OPCML: variants seen among roughly 807,000 people sequenced by gnomAD.
The protein encoded by OPCML is opioid-binding protein/cell adhesion molecule.
In OPCML, 13 loss-of-function variants were observed where a neutral mutation model predicts 37.8. The ratio of observed to expected loss-of-function variants is 0.34; its 90% CI spans 0.22 to 0.55. OPCML has a LOEUF of 0.55. OPCML is among the 20% of genes least tolerant of loss of function. The pLI is 0.91. For synonymous variants in OPCML, 176 were observed against 168.8 expected (o/e 1.04, Z -0.33); for missense variants, 341 against 435.6 (o/e 0.78, Z 1.93).
Position 132,541,093 on chromosome 11 carries a change from C to T in OPCML, c.380-11907G>A, listed in dbSNP as rs186922667. On this transcript the variant is annotated intron_variant, in intron 3 of 7. Coordinates refer to ENST00000524381, the MANE Select transcript of OPCML (RefSeq NM_001012393.5). ...CCCCTCGCTCTACCTTCCCATTTTGCCCATGAGGAAGTACTTTGGTTCCAG... is the reference window on the plus strand; with the variant it reads ...CCCCTCGCTCTACCTTCCCATTTTGTCCATGAGGAAGTACTTTGGTTCCAG... Among the ~76,000 whole-genome samples, 103 of 152,252 alleles carry T rather than the reference C, an allele frequency of 6.8e-4. No homozygotes were observed. The East Asian group carries it at 0.013, about 19-fold the overall frequency.
chr11:132,710,927 G>A (rs1944238650), intron 2 of OPCML, among the ~76,000 whole-genome samples: 1 of 152,018 alleles, frequency 6.6e-6, no homozygotes, highest in South Asian at 2.1e-4. Context: ...AGGGTAAGGG[G>A]TCTGGAGAGG....
At chr11:133,251,738 C>T (rs759360651) in intron 1 of OPCML, among the ~76,000 whole-genome samples, 13 of 152,132 alleles carry the variant, frequency 8.5e-5, no homozygotes, top group Middle Eastern at 3.2e-3. Context: ...ACCAGGCATT[C>T]GAAAGTGCTA....
At chr11:132,894,651 C>A (rs1034243918) in intron 2 of OPCML, among the ~76,000 whole-genome samples, 3 of 152,188 alleles carry the variant, frequency 2.0e-5, no homozygotes. Context: ...AGAAGATCCA[C>A]CCTCAGTGTG....
At chr11:132,900,807 C>A (rs971339146) in intron 2 of OPCML, among the ~76,000 whole-genome samples, 1 of 152,140 alleles carries the variant, frequency 6.6e-6, no homozygotes, top group African/African-American at 2.4e-5. Context: ...CCAAATCTTC[C>A]TCTCAAATTG....
intron 1 of OPCML, among the ~76,000 whole-genome samples, chr11:133,329,999 AC>A (rs2136645386): frequency 6.6e-6 from 1 of 152,302 alleles, no homozygotes; most frequent in South Asian, 2.1e-4. Flanking sequence ...AAAAAAACAA[AC>A]AACCCCATCA....
chr11:132,890,617 C>T (rs113880717), intron 2 of OPCML, among the ~76,000 whole-genome samples: 1 of 135,680 alleles, frequency 7.4e-6, no homozygotes, highest in Non-Finnish European at 1.5e-5. Flanking sequence ...GAGGCCGAGG[C>T]AGGCGGATCA....
chr11:133,319,146 T>G (rs1943272062), intron 1 of OPCML, among the ~76,000 whole-genome samples: 1 of 152,366 alleles, frequency 6.6e-6, no homozygotes, highest in Middle Eastern at 3.4e-3. Flanking sequence ...ATAAGATTTT[T>G]AAATTTCATT....
intron 1 of OPCML, among the ~76,000 whole-genome samples, chr11:133,313,852 G>T (rs910344830): frequency 2.0e-5 from 3 of 152,206 alleles, no homozygotes; most frequent in African/African-American, 7.2e-5. Context: ...CTCAGGTTGT[G>T]TTGATTTGTG....
At chr11:132,569,990 G>C (rs559693178) in intron 3 of OPCML, among the ~76,000 whole-genome samples, 1 of 149,470 alleles carries the variant, frequency 6.7e-6, no homozygotes, top group Admixed American at 6.7e-5. Context: ...CCAGGTGAAA[G>C]AAATGGGATT....
chr11:132,509,635 G>A lies in OPCML; in HGVS notation c.505+19426C>T, dbSNP rs551851132. On this transcript the variant is annotated intron_variant, in intron 4 of 7. Transcript: ENST00000524381. Reference sequence around the variant, plus strand: ...ATGTACAGCGCAGGCTGTGGCTTCAGAGGGTGGAAATCCCAAGGCTTGGCA... The same window carrying A: ...ATGTACAGCGCAGGCTGTGGCTTCAAAGGGTGGAAATCCCAAGGCTTGGCA... Among the ~76,000 whole-genome samples, 7 of 152,372 alleles carry A rather than the reference G, an allele frequency of 4.6e-5. No homozygotes were observed. In the East Asian group the frequency reaches 1.3e-3, roughly 29 times the overall value.
At chr11:132,899,339 T>G (rs986754377) in intron 2 of OPCML, among the ~76,000 whole-genome samples, 2 of 152,216 alleles carry the variant, frequency 1.3e-5, no homozygotes, top group African/African-American at 4.8e-5. Flanking sequence ...ATATCTTTGG[T>G]TTTGCTCATC....
intron 1 of OPCML, among the ~76,000 whole-genome samples, chr11:133,518,148 G>A (rs1282316288): frequency 1.3e-5 from 2 of 152,080 alleles, no homozygotes; most frequent in Admixed American, 6.5e-5. Flanking sequence ...TGTGTCACGT[G>A]TATGGGTGGT....
At chr11:133,468,787 G>A (rs1947033673) in intron 1 of OPCML, among the ~76,000 whole-genome samples, 1 of 152,190 alleles carries the variant, frequency 6.6e-6, no homozygotes, top group Non-Finnish European at 1.5e-5. Flanking sequence ...TCTACCTTGT[G>A]AAATCATCTA....
intron 1 of OPCML, among the ~76,000 whole-genome samples, chr11:133,359,230 C>T (rs190977701): frequency 6.6e-5 from 10 of 152,240 alleles, no homozygotes; most frequent in African/African-American, 2.4e-4. Flanking sequence ...GGTTTCTCAC[C>T]CCCACTTCCT....
chr11:133,179,118 G>C (rs941379596), intron 1 of OPCML, among the ~76,000 whole-genome samples: 17 of 152,126 alleles, frequency 1.1e-4, no homozygotes, highest in Non-Finnish European at 2.4e-4. Flanking sequence ...AAGAAAACTG[G>C]AGGCAATGTC....
intron 3 of OPCML, among the ~76,000 whole-genome samples, chr11:132,545,350 G>A (rs1333741719): frequency 6.6e-6 from 1 of 152,146 alleles, no homozygotes; most frequent in Non-Finnish European, 1.5e-5. Flanking sequence ...GGGGCATATG[G>A]TGACAGGTTT....
chr11:133,229,546 A>G (rs1198984305), intron 1 of OPCML, among the ~76,000 whole-genome samples: 1 of 152,172 alleles, frequency 6.6e-6, no homozygotes, highest in Non-Finnish European at 1.5e-5. Context: ...AAGGGCTCCC[A>G]ATGCATCCCA....
intron 4 of OPCML, among the ~76,000 whole-genome samples, chr11:132,510,864 A>G (rs2096267341): frequency 6.6e-6 from 1 of 152,226 alleles, no homozygotes; most frequent in South Asian, 2.1e-4. Context: ...CCTACAGATA[A>G]TATTATTCTT....
chr11:133,014,783 A>T (rs1333487397), intron 1 of OPCML, among the ~76,000 whole-genome samples: 1 of 152,232 alleles, frequency 6.6e-6, no homozygotes, highest in Non-Finnish European at 1.5e-5. Context: ...CTCAGGCTAG[A>T]CATTTTGAAC....
Sources: allele counts gnomAD v4.1 joint callset (sites outside exome capture counted in the v4.1 genomes callset), GRCh38; gene constraint gnomAD v4.1.1; transcripts MANE v1.5; gene names NCBI Gene and HGNC (gene_info 2026-07-23, HGNC 2026-07-21).